The following PDE4B variants were observed in gnomAD, a reference collection of about 807,000 sequenced individuals.
PDE4B encodes the protein phosphodiesterase 4B, also known as 3',5'-cyclic-AMP phosphodiesterase 4B.
In PDE4B, 20 loss-of-function variants were observed where a neutral mutation model predicts 82.2. That is an observed-to-expected ratio of 0.24 (90% CI 0.17 to 0.35). The LOEUF is 0.35. PDE4B is among the 10% of genes least tolerant of loss of function. The pLI is 1.00. For missense variants in PDE4B, 655 were observed against 907.2 expected (o/e 0.72, Z 3.57); for synonymous variants, 320 against 318.9 (o/e 1.00, Z -0.04).
At chr1:66,234,911 C>T (rs914412548) in intron 3 of PDE4B, among the ~76,000 whole-genome samples, 1 of 151,944 alleles carries the variant, frequency 6.6e-6, no homozygotes, top group Non-Finnish European at 1.5e-5. Flanking sequence ...TGTAGATTTC[C>T]CTGAACATGC....
chr1:66,116,199 C>G (rs1645590428), intron 3 of PDE4B, among the ~76,000 whole-genome samples: 1 of 59,826 alleles, frequency 1.7e-5, no homozygotes, highest in South Asian at 8.9e-4. Flanking sequence ...GTCAAATTAT[C>G]TCTATTTCTG....
intron 3 of PDE4B, among the ~76,000 whole-genome samples, chr1:66,005,221 G>A (rs1307682983): frequency 6.6e-6 from 1 of 152,050 alleles, no homozygotes; most frequent in East Asian, 1.9e-4. Flanking sequence ...GACCATGTAA[G>A]TGAGAGACTG....
At chr1:65,921,245 G>T (rs1248442588) in intron 3 of PDE4B, among the ~76,000 whole-genome samples, 2 of 152,022 alleles carry the variant, frequency 1.3e-5, no homozygotes, top group African/African-American at 2.4e-5. Flanking sequence ...TGGGATTACA[G>T]GTGTGAGCCA....
At chr1:65,914,937 G>T (rs1179918190) in intron 2 of PDE4B, among the ~76,000 whole-genome samples, 1 of 152,176 alleles carries the variant, frequency 6.6e-6, no homozygotes, top group Non-Finnish European at 1.5e-5. Context: ...AAATGGAAAT[G>T]TGCTGTAAGC....
chr1:66,330,845 T>C (rs947739398), intron 7 of PDE4B: 3 of 944,986 alleles, frequency 3.2e-6, no homozygotes, highest in Non-Finnish European at 3.8e-6. Flanking sequence ...GGAAGGTATG[T>C]GTAAGTCTGG....
At chr1:66,181,363 A>G (rs958477212) in intron 3 of PDE4B, among the ~76,000 whole-genome samples, 1 of 152,218 alleles carries the variant, frequency 6.6e-6, no homozygotes, top group Non-Finnish European at 1.5e-5. Context: ...TAGTGCTGAC[A>G]TTTAAACACA....
At chr1:65,970,871 T>A (rs1424518029) in intron 3 of PDE4B, among the ~76,000 whole-genome samples, 3 of 151,746 alleles carry the variant, frequency 2.0e-5, no homozygotes, top group African/African-American at 7.3e-5. Context: ...ATACATGAGG[T>A]GTGCGGTGCA....
intron 3 of PDE4B, among the ~76,000 whole-genome samples, chr1:66,106,474 CCT>C (rs1645359449): frequency 6.6e-6 from 1 of 151,854 alleles, no homozygotes; most frequent in Non-Finnish European, 1.5e-5. Flanking sequence ...GGGAGGATTC[CCT>C]CTTTTTCTAC....
intron 3 of PDE4B, among the ~76,000 whole-genome samples, chr1:66,066,293 A>G (rs1655843336): frequency 6.6e-6 from 1 of 151,790 alleles, no homozygotes; most frequent in Non-Finnish European, 1.5e-5. Context: ...CATCCCCTAC[A>G]TTACCTAAAT....
intron 7 of PDE4B, among the ~76,000 whole-genome samples, chr1:66,290,914 C>T (rs1439998293): frequency 6.6e-6 from 1 of 152,112 alleles, no homozygotes; most frequent in Non-Finnish European, 1.5e-5. Flanking sequence ...TGATGGCTGA[C>T]TTTAAGCCTC....
chr1:66,264,313 C>G (rs1654885429), intron 6 of PDE4B, among the ~76,000 whole-genome samples: 1 of 152,118 alleles, frequency 6.6e-6, no homozygotes, highest in Non-Finnish European at 1.5e-5. Flanking sequence ...AAAAACAGCC[C>G]TCAGTATTAG....
At chr1:66,031,337 AAAG>A (rs1653765156) in intron 3 of PDE4B, among the ~76,000 whole-genome samples, 1 of 152,198 alleles carries the variant, frequency 6.6e-6, no homozygotes, top group Non-Finnish European at 1.5e-5. Flanking sequence ...AGAGCAATGG[AAAG>A]AAGAAGGGAG....
intron 8 of PDE4B, among the ~76,000 whole-genome samples, chr1:66,346,274 G>C (rs1173451745): frequency 6.6e-6 from 1 of 152,208 alleles, no homozygotes; most frequent in African/African-American, 2.4e-5. Flanking sequence ...GTGAAAATCT[G>C]AGCAAAATGC....
At chr1:66,115,421 G>C (rs1645575635) in intron 3 of PDE4B, among the ~76,000 whole-genome samples, 1 of 143,438 alleles carries the variant, frequency 7.0e-6, no homozygotes. Context: ...AAATACAGAG[G>C]GTTGTTGCCA....
chr1:66,126,752 T>C (rs1456523434), intron 3 of PDE4B, among the ~76,000 whole-genome samples: 4 of 152,312 alleles, frequency 2.6e-5, no homozygotes, highest in Middle Eastern at 6.8e-3. Flanking sequence ...GATATGTCTA[T>C]AGTGATAAAG....
chr1:66,223,795 C>T lies in PDE4B; in HGVS notation c.282-23665C>T, dbSNP rs956845250. ...TCAAAAACCTTGCTTTTTTGAAGTG[C>T]ATGCCATCAGACTATACACCTGCTA... On this transcript the variant is annotated intron_variant, in intron 3 of 16. Coordinates refer to ENST00000341517, the MANE Select transcript of PDE4B (RefSeq NM_002600.4). Among the ~76,000 whole-genome samples the T allele has an allele frequency of 3.3e-5, 5 of 152,188 alleles. No homozygotes were observed. In the South Asian group the frequency reaches 1.0e-3, roughly 32 times the overall value.
At chr1:66,272,485 C>G (rs753247170) in intron 7 of PDE4B, among the ~76,000 whole-genome samples, 1 of 152,168 alleles carries the variant, frequency 6.6e-6, no homozygotes, top group African/African-American at 2.4e-5. Context: ...CTGGTAACCC[C>G]TTTTGGTTCA....
intron 3 of PDE4B, among the ~76,000 whole-genome samples, chr1:65,953,351 T>C (rs551858433): frequency 6.6e-6 from 1 of 152,140 alleles, no homozygotes; most frequent in South Asian, 2.1e-4. Context: ...TGTTACATTA[T>C]GAGATAAAGG....
At chr1:66,063,746 CT>C (rs1479023306) in intron 3 of PDE4B, among the ~76,000 whole-genome samples, 1 of 151,790 alleles carries the variant, frequency 6.6e-6, no homozygotes, top group Non-Finnish European at 1.5e-5. Context: ...AAAATAGTTT[CT>C]TTTTTTCCTT....
Sources: gnomAD v4.1 joint callset for allele counts (sites outside exome capture counted in the v4.1 genomes callset) on GRCh38, gnomAD v4.1.1 for gene constraint, MANE v1.5 for transcripts, NCBI Gene and HGNC (gene_info 2026-07-23, HGNC 2026-07-21) for gene names.